The following GRIK4 variants were observed in gnomAD, a reference collection of about 807,000 sequenced individuals.
The protein encoded by GRIK4 is glutamate receptor ionotropic, kainate 4.
A neutral mutation model predicts 104.9 loss-of-function variants in GRIK4; 40 were observed. That is an observed-to-expected ratio of 0.38 (90% CI 0.30 to 0.50). The LOEUF is 0.50. Ranked by LOEUF, GRIK4 falls within the 20% of genes least tolerant of loss-of-function variation. GRIK4 has a pLI of 0.93. For synonymous variants in GRIK4, 485 were observed against 524.9 expected (o/e 0.92, Z 1.04); for missense variants, 1,047 against 1,308.1 (o/e 0.80, Z 3.08).
At chr11:120,867,677 C>G (rs577951462) in intron 9 of GRIK4, among the ~76,000 whole-genome samples, 1 of 152,086 alleles carries the variant, frequency 6.6e-6, no homozygotes, top group East Asian at 1.9e-4. Context: ...AGAGGAGTGG[C>G]TGAACTGAGA....
At chr11:120,528,690 A>T (rs1347939447) in intron 1 of GRIK4, among the ~76,000 whole-genome samples, 1 of 152,248 alleles carries the variant, frequency 6.6e-6, no homozygotes, top group Non-Finnish European at 1.5e-5. Context: ...GTCACATCTT[A>T]CATGAATGGC....
intron 13 of GRIK4, among the ~76,000 whole-genome samples, chr11:120,923,530 A>G (rs1014779855): frequency 2.7e-5 from 4 of 146,536 alleles, no homozygotes; most frequent in Non-Finnish European, 4.4e-5. Flanking sequence ...CTCCTGCCTC[A>G]GCCTCCTGAG....
At chr11:120,565,231 G>C (rs1281964035) in intron 1 of GRIK4, among the ~76,000 whole-genome samples, 1 of 152,216 alleles carries the variant, frequency 6.6e-6, no homozygotes, top group Non-Finnish European at 1.5e-5. Flanking sequence ...TGTCGCCACC[G>C]GCTGCTGACC....
intron 2 of GRIK4, among the ~76,000 whole-genome samples, chr11:120,657,271 A>G (rs1949726358): frequency 6.6e-6 from 1 of 152,182 alleles, no homozygotes; most frequent in South Asian, 2.1e-4. Context: ...GAGACAGAAA[A>G]TCACTGAATA....
chr11:120,707,494 A>G (rs1950650526), intron 3 of GRIK4, among the ~76,000 whole-genome samples: 1 of 152,216 alleles, frequency 6.6e-6, no homozygotes, highest in Non-Finnish European at 1.5e-5. Flanking sequence ...CCTTTTGATG[A>G]CTGGCAAGGG....
At chr11:120,562,367 C>G (rs953282036) in intron 1 of GRIK4, among the ~76,000 whole-genome samples, 1 of 152,192 alleles carries the variant, frequency 6.6e-6, no homozygotes, top group Non-Finnish European at 1.5e-5. Flanking sequence ...CCCTAAGAAG[C>G]TCACAGTCTA....
chr11:120,710,999 G>GC (rs1044116179), intron 3 of GRIK4, among the ~76,000 whole-genome samples: 8 of 149,906 alleles, frequency 5.3e-5, no homozygotes, highest in African/African-American at 2.0e-4. Flanking sequence ...CTGTGAGGTG[G>GC]GGAGGGGGTG....
chr11:120,644,177 G>GT (rs1949511767), intron 1 of GRIK4, among the ~76,000 whole-genome samples: 1 of 152,074 alleles, frequency 6.6e-6, no homozygotes, highest in African/African-American at 2.4e-5. Context: ...CAAGGATACT[G>GT]TATTTTTTAC....
rs145090619 is a variant in GRIK4, at chr11:120,831,420, G to C, written c.512-432G>C. On this transcript the variant is annotated intron_variant, in intron 6 of 20. Coordinates refer to ENST00000527524, the MANE Select transcript of GRIK4 (RefSeq NM_014619.5). ...TGATAATTCTAACTTCTCAATTGAG[G>C]AAACTGAGGCCAAGACAACTGGCCA... Among the ~76,000 whole-genome samples, 927 of 152,322 alleles carry C rather than the reference G, an allele frequency of 6.1e-3. 9 individuals are homozygous for C. The highest frequency in any genetic ancestry group is 9.5e-3 in the Non-Finnish European group (646 of 68,030).
At chr11:120,621,917 T>A (rs1237352290) in intron 1 of GRIK4, among the ~76,000 whole-genome samples, 3 of 152,112 alleles carry the variant, frequency 2.0e-5, no homozygotes, top group Non-Finnish European at 2.9e-5. Context: ...TTTTGTTTTT[T>A]TGAGACAGAG....
chr11:120,918,129 G>A (rs1943150147), intron 13 of GRIK4, among the ~76,000 whole-genome samples: 1 of 152,166 alleles, frequency 6.6e-6, no homozygotes, highest in Non-Finnish European at 1.5e-5. Flanking sequence ...CTGAGACCAG[G>A]GAGGCTTTCA....
intron 3 of GRIK4, among the ~76,000 whole-genome samples, chr11:120,800,271 A>G (rs1220405065): frequency 6.6e-6 from 1 of 151,752 alleles, no homozygotes; most frequent in Non-Finnish European, 1.5e-5. Context: ...GGGGCTGGAG[A>G]CCCCAGGCAG....
At chr11:120,900,923 G>T (rs939166646) in intron 12 of GRIK4, among the ~76,000 whole-genome samples, 1 of 152,190 alleles carries the variant, frequency 6.6e-6, no homozygotes, top group African/African-American at 2.4e-5. Context: ...CACTTTGGGG[G>T]AGGGGGTGCA....
intron 3 of GRIK4, among the ~76,000 whole-genome samples, chr11:120,716,022 G>A (rs1950826209): frequency 6.6e-6 from 1 of 152,086 alleles, no homozygotes; most frequent in Non-Finnish European, 1.5e-5. Context: ...GGGCAGTGGG[G>A]GAAGGCGGCT....
chr11:120,674,633 A>G (rs1272997368), intron 3 of GRIK4, among the ~76,000 whole-genome samples: 2 of 152,236 alleles, frequency 1.3e-5, no homozygotes, highest in Non-Finnish European at 2.9e-5. Flanking sequence ...GGAGTGACAC[A>G]GGTGGGGGAG....
At chr11:120,825,559 T>C (rs996552441) in intron 6 of GRIK4, among the ~76,000 whole-genome samples, 1 of 152,210 alleles carries the variant, frequency 6.6e-6, no homozygotes, top group Non-Finnish European at 1.5e-5. Flanking sequence ...CCTACCAGCC[T>C]GTGATCACCA....
intron 1 of GRIK4, among the ~76,000 whole-genome samples, chr11:120,593,107 C>T (rs1380425077): frequency 6.8e-6 from 1 of 146,142 alleles, no homozygotes; most frequent in Non-Finnish European, 1.5e-5. Flanking sequence ...CGCTTGAACC[C>T]GGGAGGCAGA....
chr11:120,971,165 C>T (rs2134762203), intron 19 of GRIK4, among the ~76,000 whole-genome samples: 1 of 152,214 alleles, frequency 6.6e-6, no homozygotes, highest in Admixed American at 6.5e-5. Flanking sequence ...GCGAATGTGC[C>T]CATTCATCCA....
intron 1 of GRIK4, among the ~76,000 whole-genome samples, chr11:120,529,828 A>G (rs1947904980): frequency 1.3e-5 from 2 of 152,162 alleles, no homozygotes; most frequent in South Asian, 2.1e-4. Context: ...CCAGCATCTC[A>G]TTTAATCTCT....
Sources: gnomAD v4.1 joint callset for allele counts (sites outside exome capture counted in the v4.1 genomes callset) on GRCh38, gnomAD v4.1.1 for gene constraint, MANE v1.5 for transcripts, NCBI Gene and HGNC (gene_info 2026-07-23, HGNC 2026-07-21) for gene names.